Variants in PCSK7 observed in about 807,000 individuals in gnomAD.
The protein encoded by PCSK7 is lymphoma proprotein convertase.
A neutral mutation model predicts 73.3 loss-of-function variants in PCSK7; 38 were observed. The observed-to-expected ratio is 0.52, with a 90% CI of 0.40 to 0.68. The LOEUF (loss-of-function observed/expected upper bound fraction) is 0.68. PCSK7 is among the 30% of genes least tolerant of loss of function. PCSK7 has a pLI of 0.00. For synonymous variants in PCSK7, 296 were observed against 383.8 expected (o/e 0.77, Z 2.68); for missense variants, 692 against 991.5 (o/e 0.70, Z 4.06).
In PCSK7 at chr11:117,225,958, T is replaced by G; in HGVS notation, c.833A>C (p.Tyr278Ser). ...SMEAVAFNKH[Y>S]QINDIYSCSW... ...GCAGCTGTAGATGTCATTGATCTGA[T>G]AGTGCTTGTTGAACGCCACTGCCTC... Residue 278 changes from tyrosine (Y) to serine (S), a missense_variant, in exon 6 of 17, where the codon TAT (tyrosine) becomes TCT (serine). Tyr to Ser is a moderately radical substitution (Grantham distance 144). Around this residue, in one of 6 missense-constraint regions of PCSK7, gnomAD observed 574 missense variants for 689.8 expected, o/e 0.83. Transcript: ENST00000320934. The G allele has an allele frequency of 6.2e-7, 1 of 1,610,506 alleles. No homozygotes were observed.
chr11:117,210,195 T>G (rs1446326453), intron 12 of PCSK7: 1 of 152,172 alleles, frequency 6.6e-6, no homozygotes, highest in Non-Finnish European at 1.5e-5. Flanking sequence ...TTTAATTGTG[T>G]GAAACATTAA....
At chr11:117,228,930 C>A (rs554869474) in intron 3 of PCSK7, among the ~76,000 whole-genome samples, 16 of 152,292 alleles carry the variant, frequency 1.1e-4, no homozygotes, top group Admixed American at 7.2e-4. Context: ...AGATGATACA[C>A]CTCTTATGCC....
chr11:117,230,029 G>T, intron 2 of PCSK7, 173 bp from the exon 3 acceptor site: 1 of 560,132 alleles, frequency 1.8e-6, no homozygotes, highest in Non-Finnish European at 3.1e-6. Context: ...CTGACCAACA[G>T]GGATAAGCCC....
At chr11:117,230,092 G>A (rs909487489) in intron 2 of PCSK7, 1 of 472,034 alleles carries the variant, frequency 2.1e-6, no homozygotes, top group African/African-American at 2.0e-5. Flanking sequence ...CCCACAGCAA[G>A]ACAGCCAATC....
At chr11:117,228,427 C>T in intron 3 of PCSK7, 77 bp from the exon 4 acceptor site, 1 of 1,353,864 alleles carries the variant, frequency 7.4e-7, no homozygotes. Flanking sequence ...CTAGCAGCCC[C>T]TTTTCACCCT....
intron 8 of PCSK7, 157 bp from the exon 9 acceptor site, chr11:117,223,465 C>T: frequency 3.3e-6 from 2 of 604,024 alleles, no homozygotes; most frequent in Non-Finnish European, 6.0e-6. Flanking sequence ...AGTCCTGATC[C>T]TCTTCTGAAC....
At chr11:117,223,987 T>C in intron 8 of PCSK7, 91 bp downstream of exon 8, 4 of 1,326,958 alleles carry the variant, frequency 3.0e-6, no homozygotes, top group South Asian at 1.2e-5. Context: ...TGCTCACACA[T>C]TTAGACACAC....
intron 9 of PCSK7, chr11:117,222,196 G>A (rs906693892): frequency 6.6e-6 from 1 of 152,176 alleles, no homozygotes; most frequent in African/African-American, 2.4e-5. Context: ...AACAGGGACA[G>A]GCAGGGAGCT....
At chr11:117,216,196 C>G (rs1312201564) in intron 12 of PCSK7, 7 of 152,154 alleles carry the variant, frequency 4.6e-5, no homozygotes, top group Admixed American at 4.6e-4. Flanking sequence ...AACTGAGCAG[C>G]ATGGACATGG....
Position 117,229,812 on chromosome 11 carries a change from CA to C in PCSK7, c.32del (p.Leu11TrpfsTer15). 6.3e-7 allele frequency: 1 copy of C among 1,588,558 alleles called. No homozygotes were observed. Among genetic ancestry groups the C allele is most frequent in the Non-Finnish European group, 8.6e-7 (1 of 1,166,222 alleles). On this transcript the variant is annotated frameshift_variant, in exon 3 of 17. Transcript: ENST00000320934. LOFTEE classifies it high-confidence loss of function. MPKGRQKVPH[L>X]DAPLGLPTCL... is the part of the protein sequence containing the mutation. ...AGGTGGGCAGGCCCAGGGGGGCATCCAAGTGTGGCACTTTCTGCCTCCCCTT... is the reference window on the plus strand; with the variant it reads ...AGGTGGGCAGGCCCAGGGGGGCATCCAGTGTGGCACTTTCTGCCTCCCCTT...
chr11:117,205,106 C>CAGAAAA lies in PCSK7; in HGVS notation c.*885_*890dup, dbSNP rs1420966766. 7 of 228,328 alleles carry CAGAAAA rather than the reference C, an allele frequency of 3.1e-5. No individual in the cohort carries two copies. The East Asian group carries it at 3.8e-4, about 12-fold the overall frequency. The allele number at this position is 228,328 out of a possible 1,614,324, so 14.1% of individuals were successfully genotyped here. On this transcript the variant is annotated 3_prime_UTR_variant, in exon 17 of 17. Coordinates refer to ENST00000320934, the MANE Select transcript of PCSK7 (RefSeq NM_004716.4). ...AGGTTTTTATTTTGGAAAAGCTGTG[C>CAGAAAA]AGAAAAAAATTCAAGAAAATGTTGC...
chr11:117,211,303 G>C (rs2031722227), intron 12 of PCSK7: 1 of 152,106 alleles, frequency 6.6e-6, no homozygotes, highest in Non-Finnish European at 1.5e-5. Context: ...TAGAGACGGG[G>C]TTTCACCGTG....
chr11:117,218,431 G>A lies in PCSK7; in HGVS notation c.1534+35C>T, dbSNP rs201436353. ...CTTGTCACCCGGCCCCAAACCTCAG[G>A]CCTAAGATTAACCCCCTTTGTGCTG... On this transcript the variant is annotated intron_variant, in intron 12 of 16. Coordinates refer to ENST00000320934, the MANE Select transcript of PCSK7 (RefSeq NM_004716.4). The surrounding 1 kb of genome is among the most constrained non-coding windows in gnomAD (Gnocchi z 4.0). 1.5e-5 allele frequency: 18 copies of A among 1,211,490 alleles called. No homozygotes were observed. Among genetic ancestry groups the A allele is most frequent in the Non-Finnish European group, 1.9e-5 (16 of 854,844 alleles). 75.0% of individuals were successfully genotyped at this position (1,211,490 alleles called of 1,614,324 possible). A position where few individuals can be genotyped will look rare whatever the true frequency, so the allele number is the denominator to read the frequency against.
chr11:117,209,379 A>G (rs565244922), intron 12 of PCSK7: 1 of 245,262 alleles, frequency 4.1e-6, no homozygotes, highest in African/African-American at 2.4e-5. Flanking sequence ...CTGGGAATAT[A>G]AAGATAAGAT....
At position 117,208,901 on chromosome 11, in the gene PCSK7, C is replaced by T. The variant is rs2031574304; in HGVS notation, c.1687G>A (p.Asp563Asn). Residue 563 changes from aspartate to asparagine, a missense_variant, in exon 13 of 17, where the codon GAC (aspartate) becomes AAC (asparagine). Physicochemically the swap from Asp to Asn is conservative, Grantham distance 23. Transcript: ENST00000320934. Reference protein sequence around the residue: ...MSLIGAPRSMDSDPNGFNDWT... With the variant: ...MSLIGAPRSMNSDPNGFNDWT... ...GCCTCGGGCGGGTGTACATACGAGT[C>T]CATGCTGCGGGGGGCGCCGATGAGG... 1.2e-6 allele frequency: 2 copies of T among 1,611,766 alleles called. No homozygotes were observed. The highest frequency in any genetic ancestry group is 1.7e-6 in the Non-Finnish European group (2 of 1,179,612).
At chr11:117,225,820 A>G (rs2032400296) in intron 6 of PCSK7, 111 bp downstream of exon 6, 1 of 711,258 alleles carries the variant, frequency 1.4e-6, no homozygotes, top group Non-Finnish European at 2.6e-6. Context: ...AGCTGAACCC[A>G]ATGAGGAGAC....
At chr11:117,227,836 A>T (rs2032490300) in intron 4 of PCSK7, among the ~76,000 whole-genome samples, 1 of 152,134 alleles carries the variant, frequency 6.6e-6, no homozygotes, top group Non-Finnish European at 1.5e-5. Context: ...CTCCCAGCAA[A>T]CTTCTCTTGC....
At chr11:117,223,099 C>T (rs888171013) in intron 9 of PCSK7, 109 bp downstream of exon 9, 2 of 746,664 alleles carry the variant, frequency 2.7e-6, no homozygotes, top group Non-Finnish European at 4.9e-6. Context: ...GGAAGAGGAG[C>T]CTGAGTGTTG....
intron 9 of PCSK7, chr11:117,220,987 C>A (rs999382469): frequency 1.3e-5 from 2 of 152,364 alleles, no homozygotes; most frequent in Non-Finnish European, 2.9e-5. Context: ...GCATCGAGCT[C>A]TTTTGGGGCT....
Sources: gnomAD v4.1 joint callset for allele counts (sites outside exome capture counted in the v4.1 genomes callset) on GRCh38, gnomAD v4.1.1 for gene constraint, gnomAD v4.1.1 regional missense constraint, Gnocchi (gnomAD v3.1) non-coding constraint, MANE v1.5 for transcripts, NCBI Gene and HGNC (gene_info 2026-07-23, HGNC 2026-07-21) for gene names.